The following DYM variants were observed in gnomAD, a reference collection of about 807,000 sequenced individuals.
DYM encodes the protein dyggve-Melchior-Clausen syndrome protein.
In DYM, 78 loss-of-function variants were observed where a neutral mutation model predicts 93.1. That is an observed-to-expected ratio of 0.84 (90% CI 0.70 to 1.01). The LOEUF is 1.01. Among genes scored for constraint, DYM ranks in the 50% least tolerant of loss-of-function variants. The pLI is 0.00. For missense variants in DYM, 789 were observed against 845.0 expected (o/e 0.93, Z 0.82); for synonymous variants, 321 against 319.7 (o/e 1.00, Z -0.04).
rs2071166147 is a variant in DYM, at chr18:49,044,216, A to G, written c.2026-12T>C. 2 of 1,614,054 alleles carry G rather than the reference A, an allele frequency of 1.2e-6. No individual in the cohort carries two copies. The highest frequency in any genetic ancestry group is 1.7e-6 in the Non-Finnish European group (2 of 1,179,972). ...AATTCTGGAAATTTCTGCAATGAAA[A>G]TAAGATGATTTTATAATCCCACAGT... On this transcript the variant is annotated splice_polypyrimidine_tract_variant and intron_variant, in intron 17 of 17. Coordinates refer to ENST00000675505, the MANE Select transcript of DYM (RefSeq NM_001353214.3).
At chr18:49,237,837 G>A (rs2093916859) in intron 13 of DYM, among the ~76,000 whole-genome samples, 1 of 151,034 alleles carries the variant, frequency 6.6e-6, no homozygotes, top group African/African-American at 2.4e-5. Context: ...CATACTACAT[G>A]TATTATTTCA....
chr18:49,457,935 A>G (rs1335467150), intron 1 of DYM, among the ~76,000 whole-genome samples: 1 of 152,220 alleles, frequency 6.6e-6, no homozygotes, highest in African/African-American at 2.4e-5. Flanking sequence ...CAAGCCAAGG[A>G]AAGTGGCAGC....
At chr18:49,227,962 A>T (rs578133672) in intron 13 of DYM, among the ~76,000 whole-genome samples, 2 of 152,280 alleles carry the variant, frequency 1.3e-5, no homozygotes, top group East Asian at 3.9e-4. Flanking sequence ...CCCGATTGCT[A>T]CATGCACATT....
chr18:49,066,677 C>A (rs781377191), intron 17 of DYM, among the ~76,000 whole-genome samples: 4 of 152,048 alleles, frequency 2.6e-5, no homozygotes, highest in African/African-American at 7.2e-5. Flanking sequence ...AGCAGATAAG[C>A]CAAACTGGTT....
At chr18:49,072,928 C>A (rs1260385088) in intron 17 of DYM, among the ~76,000 whole-genome samples, 1 of 152,172 alleles carries the variant, frequency 6.6e-6, no homozygotes, top group African/African-American at 2.4e-5. Context: ...GAAACATATG[C>A]CTATTAAAAT....
intron 16 of DYM, among the ~76,000 whole-genome samples, chr18:49,098,927 C>G (rs1315562210): frequency 6.6e-6 from 1 of 152,084 alleles, no homozygotes; most frequent in Non-Finnish European, 1.5e-5. Flanking sequence ...AAAATAAATG[C>G]TTTCCTTTTG....
chr18:49,267,943 G>C (rs538429887), intron 11 of DYM, among the ~76,000 whole-genome samples: 1 of 152,276 alleles, frequency 6.6e-6, no homozygotes, highest in African/African-American at 2.4e-5. Context: ...TATCTTGACT[G>C]TGATATTGAA....
At chr18:49,383,337 C>T (rs1251466281) in intron 3 of DYM, among the ~76,000 whole-genome samples, 5 of 151,980 alleles carry the variant, frequency 3.3e-5, no homozygotes, top group Non-Finnish European at 7.4e-5. Flanking sequence ...CTGGACAACA[C>T]AGCAGCATAC....
intron 8 of DYM, among the ~76,000 whole-genome samples, chr18:49,324,138 C>CA (rs59640889): frequency 0.012 from 638 of 54,414 alleles, 99 homozygotes; most frequent in African/African-American, 0.028. Flanking sequence ...GGCTCTGTCT[C>CA]AAAAAAAAAA....
intron 17 of DYM, among the ~76,000 whole-genome samples, chr18:49,067,905 T>G (rs1436975433): frequency 1.3e-5 from 2 of 151,736 alleles, no homozygotes; most frequent in Non-Finnish European, 2.9e-5. Flanking sequence ...AGATCTGAGA[T>G]GTTACTGCTG....
At chr18:49,345,260 T>C (rs907158237) in intron 6 of DYM, among the ~76,000 whole-genome samples, 1 of 152,088 alleles carries the variant, frequency 6.6e-6, no homozygotes, top group African/African-American at 2.4e-5. Flanking sequence ...TTTTTTTTAA[T>C]GTAAAAGCAT....
chr18:49,286,728 T>C (rs1160594070), intron 8 of DYM, 112 bp from the exon 9 acceptor site: 1 of 1,078,706 alleles, frequency 9.3e-7, no homozygotes, highest in Admixed American at 2.0e-5. Context: ...TTCCAAAGTG[T>C]AGAACAAGAA....
chr18:49,094,375 C>T (rs1043867766), intron 17 of DYM, among the ~76,000 whole-genome samples: 2 of 152,118 alleles, frequency 1.3e-5, no homozygotes, highest in South Asian at 4.1e-4. Context: ...GCTTCTAAGT[C>T]GGCTCCCAGA....
At chr18:49,440,488 T>A (rs1251334737) in intron 1 of DYM, among the ~76,000 whole-genome samples, 1 of 86,010 alleles carries the variant, frequency 1.2e-5, no homozygotes, top group Admixed American at 1.9e-4. Context: ...TATTATATAT[T>A]TATATAATAT....
chr18:49,268,091 G>C (rs2094602520), intron 11 of DYM, among the ~76,000 whole-genome samples: 1 of 151,990 alleles, frequency 6.6e-6, no homozygotes, highest in Non-Finnish European at 1.5e-5. Context: ...ATGGCAAAAA[G>C]ATATATATGC....
chr18:49,174,619 C>T (rs937994630), intron 14 of DYM, among the ~76,000 whole-genome samples: 3 of 152,118 alleles, frequency 2.0e-5, no homozygotes, highest in Admixed American at 2.0e-4. Flanking sequence ...GGCTCATTCC[C>T]TGAGTCACAA....
intron 17 of DYM, among the ~76,000 whole-genome samples, chr18:49,083,149 A>G (rs1439984454): frequency 6.6e-6 from 1 of 152,220 alleles, no homozygotes; most frequent in Non-Finnish European, 1.5e-5. Context: ...GACACAGACA[A>G]TACATAAATA....
intron 5 of DYM, among the ~76,000 whole-genome samples, chr18:49,364,970 G>A (rs565734624): frequency 6.6e-6 from 1 of 152,050 alleles, no homozygotes; most frequent in Non-Finnish European, 1.5e-5. Flanking sequence ...GCATATGTTG[G>A]TTACATTATG....
intron 15 of DYM, among the ~76,000 whole-genome samples, chr18:49,141,237 T>C (rs2084456024): frequency 1.3e-5 from 2 of 152,202 alleles, no homozygotes; most frequent in African/African-American, 2.4e-5. Context: ...CTGTAATCTC[T>C]CAGCATGTTG....
Sources: gnomAD v4.1 joint callset for allele counts (sites outside exome capture counted in the v4.1 genomes callset) on GRCh38, gnomAD v4.1.1 for gene constraint, MANE v1.5 for transcripts, NCBI Gene and HGNC (gene_info 2026-07-23, HGNC 2026-07-21) for gene names.